RBFOX3: variants seen among roughly 807,000 people sequenced by gnomAD.
RBFOX3 encodes RNA binding fox-1 homolog 3.
A neutral mutation model predicts 48.7 loss-of-function variants in RBFOX3; 17 were observed. That is an observed-to-expected ratio of 0.35 (90% CI 0.24 to 0.52). The LOEUF (loss-of-function observed/expected upper bound fraction) is 0.52. RBFOX3 is among the 20% of genes least tolerant of loss of function. The pLI is 0.94. For missense variants in RBFOX3, 382 were observed against 497.5 expected (o/e 0.77, Z 2.21); for synonymous variants, 212 against 209.5 (o/e 1.01, Z -0.10).
intron 1 of RBFOX3, among the ~76,000 whole-genome samples, chr17:79,594,511 C>T (rs2093514499): frequency 6.6e-6 from 1 of 152,200 alleles, no homozygotes; most frequent in Admixed American, 6.5e-5. Flanking sequence ...TCCAGGGCCA[C>T]CCGGGGCCTA....
At position 79,299,907 on chromosome 17, in the gene RBFOX3, CTT is replaced by C. The variant is rs879903980; in HGVS notation, c.-74+7815_-74+7816del. On this transcript the variant is annotated intron_variant, in intron 3 of 14. Coordinates refer to ENST00000693108, the MANE Select transcript of RBFOX3 (RefSeq NM_001350451.2). The surrounding 1 kb of genome is among the most constrained non-coding windows in gnomAD (Gnocchi z 4.5). Reference sequence around the variant, plus strand: ...GCCTCCAAAGGAATCTGCCGACACTCTTTTTTTTTTTTTTTGAGACAGTGTCT... The same window carrying C: ...GCCTCCAAAGGAATCTGCCGACACTCTTTTTTTTTTTTTGAGACAGTGTCT... Among the ~76,000 whole-genome samples the C allele has an allele frequency of 2.3e-4, 33 of 143,398 alleles. No individual in the cohort carries two copies. The highest frequency in any genetic ancestry group is 2.9e-4 in the Non-Finnish European group (19 of 64,930). The allele number at this position is 143,398 out of a possible 152,430, so 94.1% of individuals were successfully genotyped here.
chr17:79,504,548 C>T (rs1251177958), intron 1 of RBFOX3, among the ~76,000 whole-genome samples: 1 of 152,230 alleles, frequency 6.6e-6, no homozygotes, highest in Non-Finnish European at 1.5e-5. Flanking sequence ...GAAGCGTTGC[C>T]TGCCTCTTCC....
At chr17:79,428,604 C>A (rs1401422376) in intron 2 of RBFOX3, among the ~76,000 whole-genome samples, 1 of 152,202 alleles carries the variant, frequency 6.6e-6, no homozygotes, top group East Asian at 1.9e-4. Context: ...AAAAAGCCTC[C>A]GACAGCCTCG....
chr17:79,187,867 GGCTGCGGATGGGAA>G (rs1378949654), intron 4 of RBFOX3, among the ~76,000 whole-genome samples: 1 of 152,138 alleles, frequency 6.6e-6, no homozygotes, highest in Non-Finnish European at 1.5e-5. Flanking sequence ...GGGAAGGTCA[GGCTGCGGATGGGAA>G]ACCCGGCAGA....
At chr17:79,379,098 C>T (rs1407229609) in intron 2 of RBFOX3, among the ~76,000 whole-genome samples, 2 of 152,160 alleles carry the variant, frequency 1.3e-5, no homozygotes, top group Non-Finnish European at 2.9e-5. Flanking sequence ...CTGATGGACA[C>T]GTTCCACCAC....
At chr17:79,620,634 CACACGCACACACACGG>C in the RBFOX3 span, among the ~76,000 whole-genome samples, 7,583 of 17,578 alleles carry the variant, frequency 0.43, 675 homozygotes, top group African/African-American at 0.51. Flanking sequence ...TGCACACACG[CACACGCACACACACGG>C]ACATGCACAC....
At chr17:79,324,903 G>T (rs1213752980) in intron 2 of RBFOX3, among the ~76,000 whole-genome samples, 1 of 152,252 alleles carries the variant, frequency 6.6e-6, no homozygotes, top group Non-Finnish European at 1.5e-5. Context: ...CCAAGGTGGG[G>T]TCACCATCCC....
rs1210470473 is a variant in RBFOX3 at position 79,290,139 on chromosome 17, G to T, written c.-74+17585C>A. On this transcript the variant is annotated intron_variant, in intron 3 of 14. Transcript: ENST00000693108. ...GGGAGACAAGCACATGCTGTAGGGG[G>T]GTCCTCACATACCAGTGTGAGACAC... 3.9e-5 allele frequency among the ~76,000 whole-genome samples: 6 copies of T among 152,128 alleles called. No homozygotes were observed. The East Asian group carries it at 1.2e-3, about 30-fold the overall frequency.
At chr17:79,170,143 A>AGG (rs796734338) in intron 4 of RBFOX3, among the ~76,000 whole-genome samples, 2 of 111,244 alleles carry the variant, frequency 1.8e-5, no homozygotes, top group East Asian at 2.4e-4. Flanking sequence ...GGAAGGAGGG[A>AGG]AGGAAGGAAG....
At chr17:79,640,525 C>T in the RBFOX3 span, among the ~76,000 whole-genome samples, 3 of 151,558 alleles carry the variant, frequency 2.0e-5, no homozygotes, top group Non-Finnish European at 3.0e-5. Context: ...AAGAACAAAG[C>T]GGGAGGCATT....
At chr17:79,616,612 TTAC>T in the RBFOX3 span, among the ~76,000 whole-genome samples, 1 of 117,194 alleles carries the variant, frequency 8.5e-6, no homozygotes, top group Non-Finnish European at 1.9e-5. Flanking sequence ...CACACACGTG[TTAC>T]TACTTCCCCA....
At position 79,179,934 on chromosome 17, in the gene RBFOX3, G is replaced by A. The variant is rs570212744; in HGVS notation, c.-34+55832C>T. On this transcript the variant is annotated intron_variant, in intron 4 of 14. Transcript: ENST00000693108. ...GGGCTACCCTTCAGGGAGCTAGGCC[G>A]GCGCCCAAGTGGGGCTCCTGGAGGT... Among the ~76,000 whole-genome samples the A allele has an allele frequency of 1.1e-3, 170 of 152,350 alleles. 2 individuals carry two copies. The highest frequency in any genetic ancestry group is 3.8e-3 in the African/African-American group (157 of 41,574).
chr17:79,327,606 T>G (rs2079535264), intron 2 of RBFOX3, among the ~76,000 whole-genome samples: 1 of 152,262 alleles, frequency 6.6e-6, no homozygotes, highest in South Asian at 2.1e-4. Flanking sequence ...AAAACTACAG[T>G]CCTACCTGCC....
chr17:79,318,352 G>C (rs1423889510), intron 2 of RBFOX3, among the ~76,000 whole-genome samples: 1 of 152,170 alleles, frequency 6.6e-6, no homozygotes, highest in Non-Finnish European at 1.5e-5. Flanking sequence ...ACTGCTGGGG[G>C]CAGAGGAGCT....
At chr17:79,415,869 G>A (rs1317130701) in intron 2 of RBFOX3, among the ~76,000 whole-genome samples, 1 of 152,154 alleles carries the variant, frequency 6.6e-6, no homozygotes, top group African/African-American at 2.4e-5. Context: ...AGGGGTCTCT[G>A]AGCATGCCGC....
Position 79,319,938 on chromosome 17 carries a change from T to C in RBFOX3, c.-174-12114A>G, listed in dbSNP as rs1301181373. On this transcript the variant is annotated intron_variant, in intron 2 of 14. Coordinates refer to ENST00000693108, the MANE Select transcript of RBFOX3 (RefSeq NM_001350451.2). ...GGGCTGCTGGTCTATGTCTGGGCTGTTGGTCTTGTCCAGGCTGCTGGTCTT... is the reference window on the plus strand; with the variant it reads ...GGGCTGCTGGTCTATGTCTGGGCTGCTGGTCTTGTCCAGGCTGCTGGTCTT... 2.4e-4 allele frequency among the ~76,000 whole-genome samples: 33 copies of C among 139,942 alleles called. 2 individuals are homozygous for C. The highest frequency in any genetic ancestry group is 7.8e-4 in the African/African-American group (28 of 35,686). The allele number at this position is 139,942 out of a possible 152,430, so 91.8% of individuals were successfully genotyped here.
At position 79,142,988 on chromosome 17, in the gene RBFOX3, C is replaced by G. The variant is rs532501747; in HGVS notation, c.-33-27240G>C. Among the ~76,000 whole-genome samples the G allele has an allele frequency of 1.6e-4, 24 of 152,194 alleles. 1 individual carries two copies. The highest frequency in any genetic ancestry group is 4.3e-4 in the African/African-American group (18 of 41,520). ...GGACTAGAAGACGAAGAGGGAGGCC[C>G]AGGACAGGGACATCCTGGTGCACGG... On this transcript the variant is annotated intron_variant, in intron 4 of 14. Coordinates refer to ENST00000693108, the MANE Select transcript of RBFOX3 (RefSeq NM_001350451.2).
intron 9 of RBFOX3, 48 bp from the exon 10 acceptor site, chr17:79,097,793 T>C: frequency 6.5e-7 from 1 of 1,539,104 alleles, no homozygotes; most frequent in South Asian, 1.2e-5. Flanking sequence ...CCGACCCTTT[T>C]CCCACCAAAA....
At chr17:79,654,232 G>T in the RBFOX3 span, among the ~76,000 whole-genome samples, 1 of 152,124 alleles carries the variant, frequency 6.6e-6, no homozygotes, top group Non-Finnish European at 1.5e-5. Flanking sequence ...AAGATGGGTG[G>T]GTAACAACCA....
Sources: allele counts gnomAD v4.1 joint callset (sites outside exome capture counted in the v4.1 genomes callset), GRCh38; gene constraint gnomAD v4.1.1; non-coding constraint Gnocchi (gnomAD v3.1); transcripts MANE v1.5; gene names NCBI Gene and HGNC (gene_info 2026-07-23, HGNC 2026-07-21).